Variants in TJP1 observed in about 807,000 individuals in gnomAD.
TJP1 encodes the protein tight junction protein ZO-1.
A neutral mutation model predicts 194.2 loss-of-function variants in TJP1; 43 were observed. That is an observed-to-expected ratio of 0.22 (90% CI 0.17 to 0.29). The LOEUF is 0.29. Ranked by LOEUF, TJP1 falls within the 10% of genes least tolerant of loss-of-function variation. TJP1 has a pLI of 1.00. For missense variants in TJP1, 1,971 were observed against 2,185.7 expected (o/e 0.90, Z 1.96); for synonymous variants, 801 against 779.0 (o/e 1.03, Z -0.47).
At chr15:29,845,649 AC>A (rs754266765) in intron 2 of TJP1, among the ~76,000 whole-genome samples, 2 of 152,042 alleles carry the variant, frequency 1.3e-5, no homozygotes, top group Non-Finnish European at 2.9e-5. Flanking sequence ...CTGAAAAAAA[AC>A]AAAAATTAGC....
chr15:29,824,100 A>AT (rs1567107931), upstream of TJP1: 41 of 142,526 alleles, frequency 2.9e-4, no homozygotes, highest in African/African-American at 1.1e-3. Context: ...AAAAAAAAAA[A>AT]AAAAAAAAAA....
Position 29,747,336 on chromosome 15 carries a change from C to T in TJP1, c.1011-4555G>A, listed in dbSNP as rs188010372. Among the ~76,000 whole-genome samples, 16 of 152,060 alleles carry T rather than the reference C, an allele frequency of 1.1e-4. No homozygotes were observed. The East Asian group carries it at 2.5e-3, about 24-fold the overall frequency. ...ATTGTAAAAGATCAAAATTTTTAGC[C>T]ATTACTTGTGTAATAAAATATCACA... is the stretch of plus-strand genomic sequence containing the variant. On this transcript the variant is annotated intron_variant, in intron 8 of 27. Coordinates refer to ENST00000614355, the MANE Select transcript of TJP1 (RefSeq NM_001330239.4).
chr15:29,906,468 A>AAATAAATAAAT (rs2053816544), intron 2 of TJP1, among the ~76,000 whole-genome samples: 1 of 138,910 alleles, frequency 7.2e-6, no homozygotes, highest in African/African-American at 2.7e-5. Context: ...ACTCCGTCTC[A>AAATAAATAAAT]AAATAAATAA....
intron 2 of TJP1, among the ~76,000 whole-genome samples, chr15:29,835,611 C>CT (rs1333142480): frequency 2.0e-5 from 3 of 151,404 alleles, no homozygotes; most frequent in African/African-American, 7.3e-5. Context: ...GATCGCGCCA[C>CT]TGCACTCCAG....
At chr15:29,847,201 C>T (rs2051445983) in intron 2 of TJP1, among the ~76,000 whole-genome samples, 1 of 152,046 alleles carries the variant, frequency 6.6e-6, no homozygotes. Flanking sequence ...CTCCTGGGCT[C>T]AAGCAATCTT....
chr15:29,954,218 A>C (rs2055858596), intron 2 of TJP1, among the ~76,000 whole-genome samples: 1 of 152,232 alleles, frequency 6.6e-6, no homozygotes, highest in South Asian at 2.1e-4. Context: ...TATTATGATA[A>C]AAACATGGCT....
intron 23 of TJP1, among the ~76,000 whole-genome samples, chr15:29,713,543 T>C (rs2042371356): frequency 6.6e-6 from 1 of 152,242 alleles, no homozygotes; most frequent in South Asian, 2.1e-4. Context: ...AAAATTTTGC[T>C]ACTCCTGTAT....
intron 2 of TJP1, among the ~76,000 whole-genome samples, chr15:29,949,048 C>A (rs188668752): frequency 6.7e-6 from 1 of 149,206 alleles, no homozygotes; most frequent in African/African-American, 2.5e-5. Flanking sequence ...CCATCACCTC[C>A]GCCACCTCCA....
chr15:29,952,831 G>A lies in TJP1; in HGVS notation c.306+3401C>T, dbSNP rs548196792. Among the ~76,000 whole-genome samples the A allele has an allele frequency of 7.2e-4, 110 of 152,200 alleles. 1 individual carries two copies. The highest frequency in any genetic ancestry group is 2.6e-3 in the African/African-American group (107 of 41,560). On this transcript the variant is annotated intron_variant, in intron 2 of 28. Coordinates refer to the TJP1 transcript ENST00000356107. ...ATAAATTTGTAAAATAGTGTGTAAA[G>A]TTTTCAGAGTTGTTTGAACTGTAAG...
chr15:29,795,714 A>G (rs2048360132), intron 2 of TJP1, among the ~76,000 whole-genome samples: 1 of 152,122 alleles, frequency 6.6e-6, no homozygotes, highest in African/African-American at 2.4e-5. Context: ...ACCAGATATA[A>G]ACAATGTTAA....
At chr15:29,908,775 C>T (rs59177696) in intron 2 of TJP1, among the ~76,000 whole-genome samples, 24,026 of 151,982 alleles carry the variant, frequency 0.16, 2,077 homozygotes, top group East Asian at 0.27. Context: ...TCCCAGCACT[C>T]TGGGAGGCCA....
intron 2 of TJP1, among the ~76,000 whole-genome samples, chr15:29,849,745 CAAAA>C: frequency 9.4e-6 from 1 of 106,672 alleles, no homozygotes; most frequent in South Asian, 3.1e-4. Context: ...GACTCCGTCT[CAAAA>C]AAAAAAAAAA....
Position 29,705,567 on chromosome 15 carries a change from G to C in TJP1, c.5029C>G (p.Arg1677Gly). Residue 1677 changes from arginine (R) to glycine (G), a missense_variant, in exon 26 of 28, where the codon CGG (arginine) becomes GGG (glycine). Physicochemically the swap from Arg to Gly is moderately radical, Grantham distance 125. Coordinates refer to ENST00000614355, the MANE Select transcript of TJP1 (RefSeq NM_001330239.4). ...VEQEIYFKVC[R>G]DNSILPPLDK... is the part of the protein sequence containing the mutation. ...AAAGGTGGAAGGATGCTGTTGTCCCGGCAGACCTTGAAATAGATTTCCTGC... is the reference window on the plus strand; with the variant it reads ...AAAGGTGGAAGGATGCTGTTGTCCCCGCAGACCTTGAAATAGATTTCCTGC... 1.2e-6 allele frequency: 2 copies of C among 1,614,132 alleles called. No homozygotes were observed. The highest frequency in any genetic ancestry group is 1.7e-6 in the Non-Finnish European group (2 of 1,180,028).
chr15:29,790,136 T>C (rs1326656430), intron 2 of TJP1, among the ~76,000 whole-genome samples: 1 of 152,212 alleles, frequency 6.6e-6, no homozygotes, highest in Non-Finnish European at 1.5e-5. Context: ...GGCTGCAGGG[T>C]TGAGTAGTTT....
intron 1 of TJP1, among the ~76,000 whole-genome samples, chr15:29,817,684 G>A (rs1042985196): frequency 6.6e-6 from 1 of 152,148 alleles, no homozygotes; most frequent in African/African-American, 2.4e-5. Flanking sequence ...GTCCTTTGCA[G>A]GGACACGGAC....
intron 23 of TJP1, among the ~76,000 whole-genome samples, chr15:29,714,905 TTAAAC>T (rs1452740429): frequency 4.6e-5 from 7 of 152,200 alleles, no homozygotes; most frequent in Admixed American, 1.3e-4. Context: ...AGAGATATCT[TTAAAC>T]TAAACACCTG....
chr15:29,718,625 G>T lies in TJP1; in HGVS notation c.3517C>A (p.Pro1173Thr). Residue 1173 changes from proline to threonine, a missense_variant, in exon 21 of 28, where the codon CCG (proline) becomes ACG (threonine). Around this residue, in one of 5 missense-constraint regions of TJP1, gnomAD observed 1,108 missense variants for 1,128.5 expected, o/e 0.98. Transcript: ENST00000614355. ...GCTGAAGGGTGGGGCTGGGCTTCCG[G>T]TCTGAGTCTACCATGTGTGTCATAC... is the stretch of plus-strand genomic sequence containing the variant. Reference protein sequence around the residue: ...PGYDTHGRLRPEAQPHPSAGP... With the variant: ...PGYDTHGRLRTEAQPHPSAGP... 1 of 1,614,180 alleles carries T rather than the reference G, an allele frequency of 6.2e-7. No individual in the cohort carries two copies. Among genetic ancestry groups the T allele is most frequent in the East Asian group, 2.2e-5 (1 of 44,864 alleles).
chr15:29,812,017 A>C (rs1385035115), intron 1 of TJP1, among the ~76,000 whole-genome samples: 1 of 152,236 alleles, frequency 6.6e-6, no homozygotes, highest in Admixed American at 6.5e-5. Context: ...CACAGCTAAC[A>C]TAATAGCTTA....
upstream of TJP1, among the ~76,000 whole-genome samples, chr15:29,825,836 A>G (rs1030764177): frequency 2.6e-5 from 4 of 152,182 alleles, no homozygotes; most frequent in African/African-American, 9.6e-5. Context: ...CCATACCATT[A>G]AAGATTCTAC....
Sources: allele counts gnomAD v4.1 joint callset (sites outside exome capture counted in the v4.1 genomes callset), GRCh38; gene constraint gnomAD v4.1.1; regional missense constraint gnomAD v4.1.1; transcripts MANE v1.5; gene names NCBI Gene and HGNC (gene_info 2026-07-23, HGNC 2026-07-21).